DNAAF9: variants seen among roughly 807,000 people sequenced by gnomAD.
DNAAF9 encodes shulin.
DNAAF9 carries 90 observed loss-of-function variants against 167.0 expected under a neutral mutation model. The ratio of observed to expected loss-of-function variants is 0.54; its 90% confidence interval spans 0.45 to 0.64. The LOEUF (loss-of-function observed/expected upper bound fraction) is 0.64. Ranked by LOEUF, DNAAF9 falls within the 30% of genes least tolerant of loss-of-function variation. The pLI, the probability that DNAAF9 is intolerant of heterozygous loss-of-function variation, is 0.00. For missense variants in DNAAF9, 1,315 were observed against 1,442.2 expected, an observed-to-expected ratio of 0.91 and a Z score of 1.43; for synonymous variants, 491 against 508.8, an observed-to-expected ratio of 0.96 and a Z score of 0.47.
At chr20:3,349,554 C>T (rs1266983044) in intron 7 of DNAAF9, among the ~76,000 whole-genome samples, 1 of 152,096 alleles carries the variant, frequency 6.6e-6, no homozygotes, top group Non-Finnish European at 1.5e-5. Context: ...GGAAGGGTGG[C>T]ACAGAGCCCT....
In DNAAF9 at chr20:3,259,007, G is replaced by A. The variant is rs146456069; in HGVS notation, c.3055+473C>T. Reference sequence around the variant, plus strand: ...GAGGCCTTCTCTGATGCCCACTCCAGGACAGCAAGGGCTCCAGAGGTCTAA... The same window carrying A: ...GAGGCCTTCTCTGATGCCCACTCCAAGACAGCAAGGGCTCCAGAGGTCTAA... On this transcript the variant is annotated intron_variant, in intron 33 of 36. Coordinates refer to ENST00000252032, the MANE Select transcript of DNAAF9 (RefSeq NM_001009984.3). Among the ~76,000 whole-genome samples, 4 of 152,322 alleles carry A rather than the reference G, an allele frequency of 2.6e-5. No individual in the cohort carries two copies. The East Asian group carries it at 7.7e-4, about 29-fold the overall frequency.
intron 27 of DNAAF9, among the ~76,000 whole-genome samples, chr20:3,284,677 T>C (rs1009311603): frequency 2.0e-5 from 3 of 152,250 alleles, no homozygotes; most frequent in African/African-American, 7.2e-5. Context: ...GGCTCAGTTT[T>C]ATGTTTGCAA....
intron 12 of DNAAF9, among the ~76,000 whole-genome samples, chr20:3,326,489 T>G (rs974841534): frequency 1.3e-5 from 2 of 152,110 alleles, no homozygotes; most frequent in Admixed American, 6.5e-5. Context: ...CCCAGCACTT[T>G]GGGAGGCTGA....
At chr20:3,397,890 A>G (rs2083932585) in intron 1 of DNAAF9, among the ~76,000 whole-genome samples, 1 of 152,182 alleles carries the variant, frequency 6.6e-6, no homozygotes, top group Admixed American at 6.5e-5. Context: ...TTGCATTTGT[A>G]GCTCTCCTTT....
At chr20:3,257,241 G>A (rs2122733985) in intron 33 of DNAAF9, among the ~76,000 whole-genome samples, 1 of 152,044 alleles carries the variant, frequency 6.6e-6, no homozygotes, top group Admixed American at 6.6e-5. Context: ...GCTGGGTGTG[G>A]TGGCTAATAC....
At chr20:3,396,827 C>T (rs1254698533) in intron 1 of DNAAF9, among the ~76,000 whole-genome samples, 1 of 152,072 alleles carries the variant, frequency 6.6e-6, no homozygotes, top group Non-Finnish European at 1.5e-5. Flanking sequence ...ATTATTTCAG[C>T]TTTTACTTGT....
At chr20:3,351,721 A>G (rs1437984928) in intron 7 of DNAAF9, among the ~76,000 whole-genome samples, 1 of 152,210 alleles carries the variant, frequency 6.6e-6, no homozygotes. Context: ...AGAATTCACG[A>G]TAGTGTTATT....
At chr20:3,394,601 C>A (rs2083873227) in intron 1 of DNAAF9, among the ~76,000 whole-genome samples, 1 of 151,960 alleles carries the variant, frequency 6.6e-6, no homozygotes, top group Admixed American at 6.6e-5. Flanking sequence ...TTCTTTATTC[C>A]ACTGGAATTT....
intron 7 of DNAAF9, among the ~76,000 whole-genome samples, chr20:3,349,626 GCTGACT>G (rs1477616576): frequency 2.6e-5 from 4 of 152,048 alleles, no homozygotes; most frequent in Non-Finnish European, 5.9e-5. Context: ...ACCCTTCTTA[GCTGACT>G]CTCCTCTACA....
chr20:3,381,754 A>G (rs76555331), intron 2 of DNAAF9, among the ~76,000 whole-genome samples: 1 of 152,148 alleles, frequency 6.6e-6, no homozygotes, highest in Non-Finnish European at 1.5e-5. Context: ...ATTTCTGAAA[A>G]GGATTCATCT....
At chr20:3,260,645 T>C (rs928244937) in intron 31 of DNAAF9, among the ~76,000 whole-genome samples, 3 of 152,142 alleles carry the variant, frequency 2.0e-5, no homozygotes, top group Admixed American at 6.5e-5. Context: ...TCTCTTTTTT[T>C]TTGAGACAAG....
At chr20:3,384,771 T>A (rs1161945496) in intron 1 of DNAAF9, among the ~76,000 whole-genome samples, 1 of 152,142 alleles carries the variant, frequency 6.6e-6, no homozygotes, top group Non-Finnish European at 1.5e-5. Context: ...AAGTGGAATT[T>A]ATCACAGAGA....
At chr20:3,282,572 G>A (rs1405917469) in intron 27 of DNAAF9, among the ~76,000 whole-genome samples, 1 of 152,100 alleles carries the variant, frequency 6.6e-6, no homozygotes, top group Non-Finnish European at 1.5e-5. Context: ...AAAACCCGCT[G>A]GTGGCTTCCA....
At chr20:3,271,069 T>C (rs2068584890) in intron 29 of DNAAF9, among the ~76,000 whole-genome samples, 1 of 152,074 alleles carries the variant, frequency 6.6e-6, no homozygotes, top group African/African-American at 2.4e-5. Context: ...CACCTCAGCC[T>C]CCCAAAGTGC....
chr20:3,404,544 T>C (rs565439702), intron 1 of DNAAF9, among the ~76,000 whole-genome samples: 21 of 152,284 alleles, frequency 1.4e-4, no homozygotes, highest in African/African-American at 5.1e-4. Context: ...GACTAGGCCT[T>C]CTTGTATTAT....
In DNAAF9 at chr20:3,343,677, T is replaced by C. The variant is rs775605082; in HGVS notation, c.844A>G (p.Ser282Gly). Residue 282 changes from serine to glycine, a missense_variant and splice_region_variant, in exon 9 of 37, where the codon AGC becomes GGC. Transcript: ENST00000252032. ...GMISSHITEN[S>G]PNRQPFVLFG... ...TTCTTCCCCAAGAAAGAAACTTACC[T>C]GTTTTCAGTTATATGGCTAGAGATC... The C allele has an allele frequency of 1.9e-6, 3 of 1,609,602 alleles. No homozygotes were observed. Among genetic ancestry groups the C allele is most frequent in the Non-Finnish European group, 2.5e-6 (3 of 1,177,250 alleles).
intron 12 of DNAAF9, among the ~76,000 whole-genome samples, chr20:3,327,357 T>C (rs2069729641): frequency 2.0e-5 from 3 of 152,090 alleles, no homozygotes; most frequent in African/African-American, 7.2e-5. Context: ...CTGCCAAATG[T>C]TCCTGGGAGT....
rs1374720769 is a variant in DNAAF9 at position 3,407,101 on chromosome 20, A to G, written c.83+374T>C. On this transcript the variant is annotated intron_variant, in intron 1 of 36. Transcript: ENST00000252032. Reference sequence around the variant, plus strand: ...CCTGGGGAAGGCGAGTGAGTTATTCATAGGGAAGCCTCTGTGGGGTTCTGT... The same window carrying G: ...CCTGGGGAAGGCGAGTGAGTTATTCGTAGGGAAGCCTCTGTGGGGTTCTGT... Among the ~76,000 whole-genome samples, 4 of 152,130 alleles carry G rather than the reference A, an allele frequency of 2.6e-5. No homozygotes were observed. The East Asian group carries it at 5.8e-4, about 22-fold the overall frequency.
intron 5 of DNAAF9, 88 bp from the exon 6 acceptor site, chr20:3,374,242 A>G (rs2083547072): frequency 1.3e-6 from 1 of 790,132 alleles, no homozygotes; most frequent in Non-Finnish European, 2.1e-6. Context: ...GACAGGTATC[A>G]TTTCTCACGT....
Sources: gnomAD v4.1 joint callset for allele counts (sites outside exome capture counted in the v4.1 genomes callset) on GRCh38, gnomAD v4.1.1 for gene constraint, MANE v1.5 for transcripts, NCBI Gene and HGNC (gene_info 2026-07-23, HGNC 2026-07-21) for gene names.